Variants in REC114 observed in about 807,000 individuals in gnomAD.
REC114 encodes the protein REC114 meiotic recombination protein, also known as meiotic recombination protein REC114.
Under a neutral mutation model 31.3 loss-of-function variants are expected in REC114, and 27 were observed. That is an observed-to-expected ratio of 0.86 (90% CI 0.64 to 1.19). The LOEUF (loss-of-function observed/expected upper bound fraction) is 1.19. REC114 is among the 50% of genes most tolerant of loss of function. The pLI, the probability that REC114 is intolerant of heterozygous loss-of-function variation, is 0.00. For synonymous variants in REC114, 134 were observed against 127.7 expected (o/e 1.05, Z -0.33); for missense variants, 344 against 326.9 (o/e 1.05, Z -0.40).
chr15:73,522,558 G>T (rs1411613296), intron 2 of REC114, among the ~76,000 whole-genome samples: 1 of 151,790 alleles, frequency 6.6e-6, no homozygotes, highest in Non-Finnish European at 1.5e-5. Context: ...TTTGTGTCTG[G>T]CTTTTTTCAC....
Position 73,551,114 on chromosome 15 carries a change from G to A in REC114, c.510G>A (p.Gly170=), listed in dbSNP as rs1894385480. 4 of 1,612,036 alleles carry A rather than the reference G, an allele frequency of 2.5e-6. No individual in the cohort carries two copies. The highest frequency in any genetic ancestry group is 1.1e-5 in the South Asian group (1 of 90,832). The change falls in exon 4 of 6, where the codon GGG becomes GGA. Residue 170 remains glycine (G), a synonymous_variant. Transcript: ENST00000331090. ...CACCCAGGGCAACTGAAAGTCAAGG[G>A]AAGGATTCTGCAAAGAGTGTCCCAC... ...PGPPRATESQ[G]KDSAKSVPRQ... is the part of the protein sequence containing the mutation.
chr15:73,539,438 C>G (rs1350340515), intron 2 of REC114, among the ~76,000 whole-genome samples: 2 of 148,178 alleles, frequency 1.3e-5, no homozygotes, highest in African/African-American at 5.0e-5. Context: ...CTACAGGCAC[C>G]TGCCACCACG....
At chr15:73,553,355 T>C (rs780838626) in intron 4 of REC114, among the ~76,000 whole-genome samples, 25 of 152,212 alleles carry the variant, frequency 1.6e-4, no homozygotes, top group Non-Finnish European at 3.2e-4. Flanking sequence ...TTCGTCTATA[T>C]TCAGCTCCTG....
intron 4 of REC114, among the ~76,000 whole-genome samples, chr15:73,552,322 C>A (rs1014541800): frequency 6.6e-6 from 1 of 152,214 alleles, no homozygotes; most frequent in African/African-American, 2.4e-5. Context: ...CAGCACATTA[C>A]AGCAAACTGA....
intron 3 of REC114, among the ~76,000 whole-genome samples, chr15:73,547,876 C>G (rs768506446): frequency 6.6e-6 from 1 of 152,126 alleles, no homozygotes; most frequent in Non-Finnish European, 1.5e-5. Context: ...GCAAAGATTT[C>G]GTGACAAAGA....
chr15:73,515,747 C>T lies in REC114; in HGVS notation c.250-24738C>T, dbSNP rs531311048. 4.0e-4 allele frequency among the ~76,000 whole-genome samples: 61 copies of T among 152,302 alleles called. 1 individual carries two copies. Among genetic ancestry groups the T allele is most frequent in the African/African-American group, 1.4e-3 (59 of 41,566 alleles). ...CCAGGAAGCAAGCCGTCACCAGACA[C>T]TGAACCTGCCAGTATCCTGATCTCA... On this transcript the variant is annotated intron_variant, in intron 2 of 5. Coordinates refer to ENST00000331090, the MANE Select transcript of REC114 (RefSeq NM_001042367.2).
At chr15:73,535,499 C>G (rs1273510667) in intron 2 of REC114, among the ~76,000 whole-genome samples, 1 of 151,056 alleles carries the variant, frequency 6.6e-6, no homozygotes, top group Non-Finnish European at 1.5e-5. Flanking sequence ...AGGAGAAGTA[C>G]AAACCACTGC....
At chr15:73,559,282 T>C (rs1267931346) in intron 5 of REC114, among the ~76,000 whole-genome samples, 1 of 152,334 alleles carries the variant, frequency 6.6e-6, no homozygotes, top group East Asian at 1.9e-4. Flanking sequence ...TGTGAACTAA[T>C]GTCCTTTGGG....
intron 2 of REC114, among the ~76,000 whole-genome samples, chr15:73,531,982 CT>C (rs60376866): frequency 0.38 from 53,050 of 138,702 alleles, 10,606 homozygotes; most frequent in Admixed American, 0.47. Flanking sequence ...GTTCTCCACT[CT>C]TTTTTTTTTT....
chr15:73,546,147 GAT>G (rs1894305398), intron 3 of REC114, among the ~76,000 whole-genome samples: 2 of 152,128 alleles, frequency 1.3e-5, no homozygotes, highest in South Asian at 4.2e-4. Flanking sequence ...GCATAAGAAA[GAT>G]AGTCAACCTC....
intron 2 of REC114, among the ~76,000 whole-genome samples, chr15:73,514,460 G>A (rs900118166): frequency 2.0e-5 from 3 of 151,970 alleles, no homozygotes; most frequent in Non-Finnish European, 2.9e-5. Context: ...GGCCATCTTG[G>A]CTCCTCCCCC....
At chr15:73,500,100 T>C (rs1484834505) in intron 2 of REC114, among the ~76,000 whole-genome samples, 1 of 152,102 alleles carries the variant, frequency 6.6e-6, no homozygotes, top group Non-Finnish European at 1.5e-5. Context: ...GAGCCACTCT[T>C]TTCCTGTGTT....
At position 73,481,910 on chromosome 15, in the gene REC114, C is replaced by T. The variant is rs144735133; in HGVS notation, c.249+7989C>T. On this transcript the variant is annotated intron_variant, in intron 2 of 5. Coordinates refer to ENST00000331090, the MANE Select transcript of REC114 (RefSeq NM_001042367.2). Reference sequence around the variant, plus strand: ...TCCTGAGCTTGTGATCTGCCCACCTCGGCCTCCCAAAGTGCTGGGATTACA... The same window carrying T: ...TCCTGAGCTTGTGATCTGCCCACCTTGGCCTCCCAAAGTGCTGGGATTACA... 4.0e-3 allele frequency among the ~76,000 whole-genome samples: 609 copies of T among 152,032 alleles called. 3 individuals are homozygous for T. Among genetic ancestry groups the T allele is most frequent in the Non-Finnish European group, 7.2e-3 (486 of 67,956 alleles).
chr15:73,530,224 A>G (rs1894058943), intron 2 of REC114, among the ~76,000 whole-genome samples: 1 of 152,240 alleles, frequency 6.6e-6, no homozygotes, highest in Admixed American at 6.5e-5. Flanking sequence ...GTTTCTGAAT[A>G]TTGCAGAAAT....
intron 2 of REC114, among the ~76,000 whole-genome samples, chr15:73,488,292 C>T (rs1433922419): frequency 6.6e-6 from 1 of 152,214 alleles, no homozygotes; most frequent in Non-Finnish European, 1.5e-5. Context: ...TTTCTTCTAT[C>T]CATACTATTC....
At chr15:73,487,466 GAGAAGAAATGGTTA>G (rs1421696083) in intron 2 of REC114, among the ~76,000 whole-genome samples, 1 of 152,222 alleles carries the variant, frequency 6.6e-6, no homozygotes, top group Non-Finnish European at 1.5e-5. Flanking sequence ...CATTTCAAAA[GAGAAGAAATGGTTA>G]GGAAGAAAGG....
intron 2 of REC114, among the ~76,000 whole-genome samples, chr15:73,509,479 C>T (rs1190366398): frequency 6.6e-6 from 1 of 150,534 alleles, no homozygotes; most frequent in African/African-American, 2.5e-5. Context: ...TCTTTTGTTG[C>T]CATTGCTTTT....
chr15:73,550,040 CTG>C (rs1454264295), intron 3 of REC114, among the ~76,000 whole-genome samples: 1 of 152,206 alleles, frequency 6.6e-6, no homozygotes, highest in Non-Finnish European at 1.5e-5. Flanking sequence ...GGGAAAAGGA[CTG>C]TCACTGTGCT....
intron 2 of REC114, among the ~76,000 whole-genome samples, chr15:73,494,295 G>A (rs1479101189): frequency 6.6e-6 from 1 of 151,984 alleles, no homozygotes; most frequent in Admixed American, 6.6e-5. Flanking sequence ...CCGAGATCTC[G>A]CTACTGCACT....
Sources: gnomAD v4.1 joint callset for allele counts (sites outside exome capture counted in the v4.1 genomes callset) on GRCh38, gnomAD v4.1.1 for gene constraint, MANE v1.5 for transcripts, NCBI Gene and HGNC (gene_info 2026-07-23, HGNC 2026-07-21) for gene names.